The following CADPS2 variants were observed in gnomAD, a reference collection of about 807,000 sequenced individuals.
CADPS2 encodes calcium-dependent secretion activator 2.
Under a neutral mutation model 172.5 loss-of-function variants are expected in CADPS2, and 93 were observed. The observed-to-expected ratio is 0.54, with a 90% CI of 0.46 to 0.64. CADPS2 has a LOEUF of 0.64. CADPS2 is among the 30% of genes least tolerant of loss of function. The probability of loss-of-function intolerance (pLI) is 0.00; values close to 1 mark genes in which losing one functional copy is unlikely to be tolerated. For missense variants in CADPS2, 1,420 were observed against 1,565.9 expected, an observed-to-expected ratio of 0.91 and a Z score of 1.57; for synonymous variants, 546 against 555.2, an observed-to-expected ratio of 0.98 and a Z score of 0.23.
chr7:122,721,939 A>C (rs1413902134), intron 2 of CADPS2, among the ~76,000 whole-genome samples: 1 of 152,144 alleles, frequency 6.6e-6, no homozygotes, highest in Non-Finnish European at 1.5e-5. Context: ...AAAGACAAAA[A>C]ACACATGATT....
At chr7:122,450,650 C>T (rs1451766196) in intron 15 of CADPS2, among the ~76,000 whole-genome samples, 2 of 150,920 alleles carry the variant, frequency 1.3e-5, no homozygotes, top group African/African-American at 2.4e-5. Context: ...CCCACCTCTG[C>T]CTCCTGAGCA....
At chr7:122,635,398 T>C (rs1245531780) in intron 3 of CADPS2, among the ~76,000 whole-genome samples, 1 of 151,940 alleles carries the variant, frequency 6.6e-6, no homozygotes, top group African/African-American at 2.4e-5. Flanking sequence ...CATTTAGCAT[T>C]AGGTATATCT....
At chr7:122,489,610 C>T (rs753633772) in intron 11 of CADPS2, among the ~76,000 whole-genome samples, 6 of 152,010 alleles carry the variant, frequency 3.9e-5, no homozygotes, top group Non-Finnish European at 5.9e-5. Context: ...GGCTTTATGA[C>T]TTATTATTTT....
At chr7:122,764,272 AG>A (rs2093478769) in intron 1 of CADPS2, among the ~76,000 whole-genome samples, 1 of 152,130 alleles carries the variant, frequency 6.6e-6, no homozygotes, top group Admixed American at 6.6e-5. Flanking sequence ...GAGCACACAC[AG>A]TAAATTTCCT....
Position 122,681,269 on chromosome 7 carries a change from A to T in CADPS2, c.454-17700T>A. On this transcript the variant is annotated intron_variant, in intron 2 of 29. Transcript: ENST00000449022. ...AATGTGCACATGTACCCTAAAACTT[A>T]AAGTATAATAATAAAAGAAAGAGCT... The T allele has an allele frequency of 7.3e-6, 6 of 821,010 alleles. No homozygotes were observed. The South Asian group carries it at 8.2e-5, about 11-fold the overall frequency. The allele number at this position is 821,010 out of a possible 1,614,324, so 50.9% of individuals were successfully genotyped here.
chr7:122,825,895 C>T (rs375255331), intron 1 of CADPS2, among the ~76,000 whole-genome samples: 3 of 152,076 alleles, frequency 2.0e-5, no homozygotes, highest in Admixed American at 6.5e-5. Flanking sequence ...CAAGTGGGAG[C>T]GTAGAATTCT....
At chr7:122,697,972 G>C (rs755270335) in intron 2 of CADPS2, 1 of 1,613,364 alleles carries the variant, frequency 6.2e-7, no homozygotes, top group Non-Finnish European at 8.5e-7. Flanking sequence ...AACTTGCAAA[G>C]GTTCTGTTCC....
At chr7:122,734,476 C>A (rs2091998395) in intron 2 of CADPS2, among the ~76,000 whole-genome samples, 1 of 145,338 alleles carries the variant, frequency 6.9e-6, no homozygotes, top group Non-Finnish European at 1.5e-5. Flanking sequence ...CTATGAGCTT[C>A]AATTTCTATT....
intron 1 of CADPS2, among the ~76,000 whole-genome samples, chr7:122,866,648 T>A (rs1818395195): frequency 6.6e-6 from 1 of 152,062 alleles, no homozygotes; most frequent in South Asian, 2.1e-4. Flanking sequence ...TTGCAGTGAG[T>A]TGAGATTGTG....
chr7:122,538,374 T>TA (rs2062550127), intron 8 of CADPS2, among the ~76,000 whole-genome samples: 1 of 148,118 alleles, frequency 6.8e-6, no homozygotes, highest in South Asian at 2.1e-4. Flanking sequence ...TTTTTTTTTT[T>TA]TAAAAACACA....
At chr7:122,359,813 C>T (rs1585249603) in intron 27 of CADPS2, among the ~76,000 whole-genome samples, 1 of 152,046 alleles carries the variant, frequency 6.6e-6, no homozygotes, top group African/African-American at 2.4e-5. Flanking sequence ...AAAGAAACCC[C>T]ATGCAAAGGT....
chr7:122,320,296 T>C lies in CADPS2; in HGVS notation c.3760A>G (p.Thr1254Ala), dbSNP rs753135970. The change falls in exon 30 of 30, where the codon ACA (threonine) becomes GCA (alanine). Residue 1254 changes from threonine (T) to alanine (A), a missense_variant. Coordinates refer to ENST00000449022, the MANE Select transcript of CADPS2 (RefSeq NM_017954.11). Reference sequence around the variant, plus strand: ...GTATCATAAGTCTTACTGTTCAGTGTTCCTTCCAACACACCCTGCAATCGA... The same window carrying C: ...GTATCATAAGTCTTACTGTTCAGTGCTCCTTCCAACACACCCTGCAATCGA... The part of the protein sequence containing the change: ...DFRLQGVLEG[T>A]LNSKTYDTVH... 4.3e-6 allele frequency: 7 copies of C among 1,610,080 alleles called. No homozygotes were observed. The South Asian group carries it at 5.5e-5, about 13-fold the overall frequency.
At chr7:122,322,216 A>G (rs1397762680) in intron 29 of CADPS2, among the ~76,000 whole-genome samples, 1 of 152,216 alleles carries the variant, frequency 6.6e-6, no homozygotes, top group African/African-American at 2.4e-5. Context: ...ACAATTATAT[A>G]CTGAGTTTTT....
At position 122,683,228 on chromosome 7, in the gene CADPS2, T is replaced by C. The variant is rs567063565; in HGVS notation, c.454-19659A>G. ...GTCTGAAGTTAGCCACATCTATCTG[T>C]AGTTTCTGATGCTCAGTTGCTGCTT... On this transcript the variant is annotated intron_variant, in intron 2 of 29. Coordinates refer to ENST00000449022, the MANE Select transcript of CADPS2 (RefSeq NM_017954.11). Among the ~76,000 whole-genome samples, 10 of 152,328 alleles carry C rather than the reference T, an allele frequency of 6.6e-5. No homozygotes were observed. The South Asian group carries it at 1.9e-3, about 28-fold the overall frequency.
At chr7:122,530,315 CT>C (rs554922076) in intron 8 of CADPS2, among the ~76,000 whole-genome samples, 2,764 of 133,332 alleles carry the variant, frequency 0.021, 58 homozygotes, top group African/African-American at 0.056. Flanking sequence ...CTTAAGTTAG[CT>C]TTTTTTTTTT....
chr7:122,466,222 G>C (rs1205397286), intron 14 of CADPS2, among the ~76,000 whole-genome samples: 5 of 152,180 alleles, frequency 3.3e-5, no homozygotes, highest in African/African-American at 1.2e-4. Context: ...CCTTCAGCAG[G>C]CTGTTTTATT....
intron 27 of CADPS2, among the ~76,000 whole-genome samples, chr7:122,358,293 C>T (rs2039681265): frequency 6.6e-6 from 1 of 152,134 alleles, no homozygotes; most frequent in East Asian, 1.9e-4. Context: ...CTGTTTGGAT[C>T]TTTTGCCCAT....
chr7:122,687,848 T>C (rs2083834891), intron 2 of CADPS2, among the ~76,000 whole-genome samples: 1 of 152,158 alleles, frequency 6.6e-6, no homozygotes, highest in Admixed American at 6.5e-5. Flanking sequence ...TCATTGGTGG[T>C]TAAATTATTT....
In CADPS2 at chr7:122,521,544, C is replaced by A. The variant is rs1239102392; in HGVS notation, c.1476-8229G>T. 2.0e-5 allele frequency among the ~76,000 whole-genome samples: 3 copies of A among 151,894 alleles called. No individual in the cohort carries two copies. The East Asian group carries it at 5.8e-4, about 29-fold the overall frequency. On this transcript the variant is annotated intron_variant, in intron 8 of 29. Transcript: ENST00000449022. ...AAACTGATTCCAGACAACACTGGGA[C>A]CTGGGCATTAAGAAACTTAGAAGTA...
Sources: gnomAD v4.1 joint callset for allele counts (sites outside exome capture counted in the v4.1 genomes callset) on GRCh38, gnomAD v4.1.1 for gene constraint, MANE v1.5 for transcripts, NCBI Gene and HGNC (gene_info 2026-07-23, HGNC 2026-07-21) for gene names.